Variants in RORA observed in about 807,000 individuals in gnomAD.
The protein encoded by RORA is nuclear receptor ROR-alpha.
In RORA, 7 loss-of-function variants were observed where a neutral mutation model predicts 69.5. The observed-to-expected ratio is 0.10, with a 90% CI of 0.06 to 0.19. The LOEUF (loss-of-function observed/expected upper bound fraction) is 0.19. RORA is among the 10% of genes least tolerant of loss of function. RORA has a pLI of 1.00. For synonymous variants in RORA, 261 were observed against 240.8 expected, an observed-to-expected ratio of 1.08 and a Z score of -0.78; for missense variants, 457 against 663.0, an observed-to-expected ratio of 0.69 and a Z score of 3.41.
chr15:61,167,657 C>T (rs2079550260), intron 1 of RORA, among the ~76,000 whole-genome samples: 1 of 152,166 alleles, frequency 6.6e-6, no homozygotes, highest in African/African-American at 2.4e-5. Context: ...TTTCCCCACA[C>T]TTATGTTGAA....
At chr15:60,633,343 A>G (rs868859648) in intron 2 of RORA, among the ~76,000 whole-genome samples, 3 of 152,362 alleles carry the variant, frequency 2.0e-5, no homozygotes, top group Middle Eastern at 6.8e-3. Flanking sequence ...TCTGAGATGT[A>G]TATTATTTGT....
rs535856495 is a variant in RORA at position 60,854,258 on chromosome 15, C to CAAAT, written c.167-175576_167-175573dup. Reference sequence around the variant, plus strand: ...GCCTGGCGACAGCGAGACTCCATCTCAAATAAATAAATAAATAAATAAAAA... The same window carrying CAAAT: ...GCCTGGCGACAGCGAGACTCCATCTCAAATAAATAAATAAATAAATAAATAAAAA... On this transcript the variant is annotated intron_variant, in intron 1 of 10. Transcript: ENST00000335670. 2.1e-3 allele frequency among the ~76,000 whole-genome samples: 317 copies of CAAAT among 151,870 alleles called. 1 individual carries two copies. The highest frequency in any genetic ancestry group is 6.8e-3 in the African/African-American group (281 of 41,398).
At chr15:60,687,443 G>C (rs1323302688) in intron 1 of RORA, among the ~76,000 whole-genome samples, 1 of 152,184 alleles carries the variant, frequency 6.6e-6, no homozygotes, top group Non-Finnish European at 1.5e-5. Flanking sequence ...TAGGCAGTTT[G>C]TCTGGATTGG....
At chr15:60,798,221 GACACACACACACACACACACAC>G (rs34480684) in intron 1 of RORA, among the ~76,000 whole-genome samples, 6 of 145,812 alleles carry the variant, frequency 4.1e-5, no homozygotes, top group East Asian at 2.0e-4. Context: ...TTCCCCAACA[GACACACACACACACACACACAC>G]ACACACACAC....
chr15:61,020,256 C>A (rs530249801), intron 1 of RORA, among the ~76,000 whole-genome samples: 27 of 152,308 alleles, frequency 1.8e-4, no homozygotes, highest in Middle Eastern at 3.4e-3. Flanking sequence ...TAGCTTCCCA[C>A]CTCTGTCACT....
chr15:60,855,342 C>T (rs756102736), intron 1 of RORA, among the ~76,000 whole-genome samples: 4 of 152,140 alleles, frequency 2.6e-5, no homozygotes, highest in African/African-American at 4.8e-5. Context: ...ATTGTATAGG[C>T]GCCTGCATAA....
intron 1 of RORA, among the ~76,000 whole-genome samples, chr15:61,001,975 G>A (rs758436191): frequency 3.3e-5 from 5 of 152,238 alleles, no homozygotes; most frequent in Non-Finnish European, 5.9e-5. Context: ...ACTTCAAACA[G>A]AGCGTGGCCC....
intron 1 of RORA, among the ~76,000 whole-genome samples, chr15:61,120,138 A>T (rs8030982): frequency 0.04 from 6,117 of 152,202 alleles, 404 homozygotes; most frequent in African/African-American, 0.14. Context: ...TGGAGAGTAA[A>T]TACAGATGCC....
chr15:61,186,246 G>C (rs2079739939), intron 1 of RORA, among the ~76,000 whole-genome samples: 1 of 152,148 alleles, frequency 6.6e-6, no homozygotes, highest in Non-Finnish European at 1.5e-5. Flanking sequence ...TGCTGGTTAA[G>C]TGACTAAAAA....
In RORA at chr15:60,905,914, C is replaced by T. The variant is rs1891523404; in HGVS notation, c.167-227228G>A. ...CCCCCTCTCTTCTACCAAAGAAGCCCTAAAATGTATTTTCAGATAAATATC... is the reference window on the plus strand; with the variant it reads ...CCCCCTCTCTTCTACCAAAGAAGCCTTAAAATGTATTTTCAGATAAATATC... On this transcript the variant is annotated intron_variant, in intron 1 of 10. Transcript: ENST00000335670. The surrounding 1 kb of genome is among the most constrained non-coding windows in gnomAD (Gnocchi z 4.8). Among the ~76,000 whole-genome samples the T allele has an allele frequency of 6.6e-6, 1 of 152,176 alleles. No individual in the cohort carries two copies. Among genetic ancestry groups the T allele is most frequent in the African/African-American group, 2.4e-5 (1 of 41,438 alleles).
intron 1 of RORA, among the ~76,000 whole-genome samples, chr15:60,946,515 C>T (rs980856165): frequency 1.3e-5 from 2 of 152,232 alleles, no homozygotes; most frequent in Admixed American, 6.5e-5. Context: ...AGTGATCTGC[C>T]AGCTTCGGCC....
chr15:60,883,076 A>G (rs915628254), intron 1 of RORA, among the ~76,000 whole-genome samples: 2 of 136,494 alleles, frequency 1.5e-5, no homozygotes, highest in Non-Finnish European at 3.1e-5. Flanking sequence ...AGCTGCAGTG[A>G]GCCGAGATCA....
chr15:60,989,084 C>G (rs1894293697), intron 1 of RORA, among the ~76,000 whole-genome samples: 1 of 152,190 alleles, frequency 6.6e-6, no homozygotes, highest in African/African-American at 2.4e-5. Flanking sequence ...CCATCAGATG[C>G]AATTAGCCAT....
chr15:60,550,775 C>T (rs1270645065), intron 2 of RORA, among the ~76,000 whole-genome samples: 1 of 152,116 alleles, frequency 6.6e-6, no homozygotes, highest in Admixed American at 6.5e-5. Context: ...ATAATAAAAG[C>T]TCAAGCAATG....
intron 1 of RORA, among the ~76,000 whole-genome samples, chr15:61,114,599 G>A (rs1472422958): frequency 1.3e-5 from 2 of 152,198 alleles, no homozygotes; most frequent in Non-Finnish European, 2.9e-5. Context: ...AGTATTTGGA[G>A]TCAGAGATTC....
intron 1 of RORA, among the ~76,000 whole-genome samples, chr15:60,769,084 C>T (rs911066143): frequency 2.5e-4 from 38 of 152,276 alleles, no homozygotes; most frequent in Admixed American, 1.2e-3. Context: ...CATTTTAGAA[C>T]GATTTTACCT....
chr15:61,099,099 G>A (rs1445965852), intron 1 of RORA, among the ~76,000 whole-genome samples: 1 of 152,124 alleles, frequency 6.6e-6, no homozygotes, highest in Non-Finnish European at 1.5e-5. Context: ...ATATCTGTGG[G>A]GAAATTTTTA....
At chr15:60,561,085 T>G (rs1304412223) in intron 2 of RORA, among the ~76,000 whole-genome samples, 1 of 148,896 alleles carries the variant, frequency 6.7e-6, no homozygotes, top group Non-Finnish European at 1.5e-5. Flanking sequence ...TGTTTTTGTT[T>G]TTTTTTTTGT....
chr15:61,120,197 A>T (rs1489799591), intron 1 of RORA, among the ~76,000 whole-genome samples: 2 of 152,142 alleles, frequency 1.3e-5, no homozygotes, highest in Non-Finnish European at 2.9e-5. Flanking sequence ...ATGTATTTCT[A>T]TGTAAAAATT....
Sources: gnomAD v4.1 joint callset for allele counts (sites outside exome capture counted in the v4.1 genomes callset) on GRCh38, gnomAD v4.1.1 for gene constraint, Gnocchi (gnomAD v3.1) non-coding constraint, MANE v1.5 for transcripts, NCBI Gene and HGNC (gene_info 2026-07-23, HGNC 2026-07-21) for gene names.